Variants in ZSCAN18 observed in about 807,000 individuals in gnomAD.
The protein encoded by ZSCAN18 is zinc finger and SCAN domain-containing protein 18.
Under a neutral mutation model 31.1 loss-of-function variants are expected in ZSCAN18, and 16 were observed. The ratio of observed to expected loss-of-function variants is 0.51; its 90% CI spans 0.35 to 0.78. ZSCAN18 has a LOEUF of 0.78. Among genes scored for constraint, ZSCAN18 ranks in the 30% least tolerant of loss-of-function variants. ZSCAN18 has a pLI of 0.01. For missense variants in ZSCAN18, 731 were observed against 697.4 expected, an observed-to-expected ratio of 1.05 and a Z score of -0.54; for synonymous variants, 375 against 320.7, an observed-to-expected ratio of 1.17 and a Z score of -1.81.
At chr19:58,108,442 T>C in intron 1 of ZSCAN18, 7 of 985,566 alleles carry the variant, frequency 7.1e-6, no homozygotes, top group South Asian at 4.7e-5. Context: ...TTCTTTCCTA[T>C]GTGGGTTTTC....
At chr19:58,088,982 C>A in intron 2 of ZSCAN18, 145 bp from the exon 3 acceptor site, 2 of 743,372 alleles carry the variant, frequency 2.7e-6, no homozygotes, top group Admixed American at 3.0e-5. Flanking sequence ...AGACCTCCAG[C>A]CTGCAAAGTA....
chr19:58,106,243 CAT>C (rs2074633353), intron 1 of ZSCAN18, among the ~76,000 whole-genome samples: 1 of 151,572 alleles, frequency 6.6e-6, no homozygotes, highest in Non-Finnish European at 1.5e-5. Flanking sequence ...CTCTACAAAA[CAT>C]AAAAAAAATT....
At position 58,090,620 on chromosome 19, in the gene ZSCAN18, C is replaced by A; in HGVS notation, c.-119-234G>T. ...TTTTTTTTTCTTTGAGACCGAGTCA[C>A]CCTCTGTCACCCAAGCTGGAGTGCA... On this transcript the variant is annotated intron_variant, in intron 1 of 6. Transcript: ENST00000601144. The surrounding 1 kb of genome is among the most constrained non-coding windows in gnomAD (Gnocchi z 4.7). 2.5e-6 allele frequency: 1 copy of A among 402,086 alleles called. No homozygotes were observed. The highest frequency in any genetic ancestry group is 3.9e-5 in the East Asian group (1 of 25,436). The allele number at this position is 402,086 out of a possible 1,614,324, so 24.9% of individuals were successfully genotyped here.
In ZSCAN18 at chr19:58,085,309, C is replaced by T. The variant is rs1360679184; in HGVS notation, c.909G>A (p.Glu303=). The change falls in exon 7 of 7, where the codon GAG becomes GAA. Residue 303 remains glutamate, a synonymous_variant. Coordinates refer to ENST00000601144, the MANE Select transcript of ZSCAN18 (RefSeq NM_001145543.2). ...EEAAPAGVLP[E]LPTEAPPGDA... ...CCCCAGGGGGCGCCTCCGTAGGCAG[C>T]TCAGGCAGCACCCCCGCGGGGGCGG... The T allele has an allele frequency of 2.5e-6, 4 of 1,598,624 alleles. No individual in the cohort carries two copies. The highest frequency in any genetic ancestry group is 4.5e-5 in the East Asian group (2 of 44,794).
chr19:58,105,858 AGTC>A (rs1395648337), intron 1 of ZSCAN18, among the ~76,000 whole-genome samples: 4 of 152,088 alleles, frequency 2.6e-5, no homozygotes, highest in South Asian at 4.1e-4. Flanking sequence ...ACATGCCTGT[AGTC>A]CCAGCTACTC....
At chr19:58,099,506 G>C (rs2074574617), upstream of ZSCAN18, among the ~76,000 whole-genome samples, 1 of 152,128 alleles carries the variant, frequency 6.6e-6, no homozygotes, top group African/African-American at 2.4e-5. Flanking sequence ...GAGATATTAG[G>C]ATCGTTTTAA....
chr19:58,106,963 G>A (rs892339003), intron 1 of ZSCAN18, among the ~76,000 whole-genome samples: 1 of 151,498 alleles, frequency 6.6e-6, no homozygotes, highest in Non-Finnish European at 1.5e-5. Flanking sequence ...TGAGGTTTCA[G>A]CATGTTGGTC....
At chr19:58,107,464 G>T (rs2074643742) in intron 1 of ZSCAN18, 1 of 164,660 alleles carries the variant, frequency 6.1e-6, no homozygotes, top group African/African-American at 2.4e-5. Context: ...AGGAGTTTGA[G>T]GAAGGAGAAT....
intron 1 of ZSCAN18, among the ~76,000 whole-genome samples, chr19:58,094,580 A>C (rs2145998924): frequency 6.6e-6 from 1 of 152,082 alleles, no homozygotes; most frequent in African/African-American, 2.4e-5. Flanking sequence ...ATGCATCTTC[A>C]TTTACAAAAA....
chr19:58,109,744 T>G (rs1474934952), intron 1 of ZSCAN18, among the ~76,000 whole-genome samples: 1 of 152,214 alleles, frequency 6.6e-6, no homozygotes, highest in Non-Finnish European at 1.5e-5. Context: ...GCATGTATAC[T>G]TCCAGGAAAA....
chr19:58,087,113 G>T, intron 4 of ZSCAN18, 105 bp from the exon 5 acceptor site: 2 of 1,087,924 alleles, frequency 1.8e-6, no homozygotes, highest in South Asian at 1.5e-5. Context: ...CCCTGGCCAG[G>T]GACTCTAACC....
Position 58,087,297 on chromosome 19 carries a change from C to G in ZSCAN18, c.642+19G>C, listed in dbSNP as rs2145971748. ...AGCTGAGGCCAAGGCCCCTCACCCA[C>G]CTGCTCGTGCCCACCCACCTGCTCG... is the stretch of plus-strand genomic sequence containing the variant. On this transcript the variant is annotated intron_variant, in intron 4 of 6. Transcript: ENST00000601144. 6.3e-6 allele frequency: 10 copies of G among 1,589,780 alleles called. No individual in the cohort carries two copies. The highest frequency in any genetic ancestry group is 8.6e-6 in the Non-Finnish European group (10 of 1,167,168).
intron 1 of ZSCAN18, among the ~76,000 whole-genome samples, chr19:58,114,558 AATAT>A (rs2146031222): frequency 6.6e-6 from 1 of 152,258 alleles, no homozygotes; most frequent in African/African-American, 2.4e-5. Flanking sequence ...ACATTATATA[AATAT>A]ATACACAATA....
chr19:58,111,156 A>G (rs1051168647), intron 1 of ZSCAN18, among the ~76,000 whole-genome samples: 3 of 137,366 alleles, frequency 2.2e-5, no homozygotes, highest in Non-Finnish European at 4.8e-5. Flanking sequence ...CGACAGAGCA[A>G]GACTCCGTCT....
At chr19:58,088,630 T>C (rs764402964) in intron 3 of ZSCAN18, 58 bp downstream of exon 3, 3 of 1,571,750 alleles carry the variant, frequency 1.9e-6, no homozygotes, top group South Asian at 2.3e-5. Flanking sequence ...ACCACAGGCC[T>C]CTGCCCAACA....
Position 58,084,586 on chromosome 19 carries a change from C to G in ZSCAN18, c.*99G>C. ...ACAGGCAGAGGACGTCCACAAACACCACAGGAAGCCGCCACCCAGGGGCGT... is the reference window on the plus strand; with the variant it reads ...ACAGGCAGAGGACGTCCACAAACACGACAGGAAGCCGCCACCCAGGGGCGT... On this transcript the variant is annotated 3_prime_UTR_variant, in exon 7 of 7. Transcript: ENST00000601144. This position sits in a 1 kb window ranked among gnomAD's most constrained non-coding sequence, Gnocchi z 4.5. 2.4e-6 allele frequency: 3 copies of G among 1,232,690 alleles called. No homozygotes were observed. The highest frequency in any genetic ancestry group is 2.2e-6 in the Non-Finnish European group (2 of 927,460). 76.4% of individuals were successfully genotyped at this position (1,232,690 alleles called of 1,614,324 possible).
intron 1 of ZSCAN18, among the ~76,000 whole-genome samples, chr19:58,107,258 T>A (rs755400256): frequency 1.3e-5 from 2 of 151,914 alleles, no homozygotes; most frequent in Non-Finnish European, 2.9e-5. Context: ...ACAGTGGGTT[T>A]AAAATATTCA....
rs762322010 is a variant in ZSCAN18 at position 58,085,216 on chromosome 19, G to A, written c.1002C>T (p.Asp334=). 8 of 1,608,774 alleles carry A rather than the reference G, an allele frequency of 5.0e-6. 1 individual carries two copies. Among genetic ancestry groups the A allele is most frequent in the Non-Finnish European group, 5.1e-6 (6 of 1,179,322 alleles). The change falls in exon 7 of 7, where the codon GAC becomes GAT. Residue 334 remains aspartate, a synonymous_variant. Coordinates refer to ENST00000601144, the MANE Select transcript of ZSCAN18 (RefSeq NM_001145543.2). ...ACTCCGCGTCCTGGGGGTCCTGCGG[G>A]TCCGGGGCCTTCCCAGGCTGCTCTT... The part of the protein sequence containing the change: ...EEEEQPGKAP[D]PQDPQDAESD...
intron 1 of ZSCAN18, among the ~76,000 whole-genome samples, chr19:58,106,153 G>A (rs191976439): frequency 6.6e-6 from 1 of 152,254 alleles, no homozygotes; most frequent in Non-Finnish European, 1.5e-5. Context: ...TGTAATACTA[G>A]CACTTTGTCA....
Sources: allele counts gnomAD v4.1 joint callset (sites outside exome capture counted in the v4.1 genomes callset), GRCh38; gene constraint gnomAD v4.1.1; non-coding constraint Gnocchi (gnomAD v3.1); transcripts MANE v1.5; gene names NCBI Gene and HGNC (gene_info 2026-07-23, HGNC 2026-07-21).